The following TANGO6 variants were observed in gnomAD, a reference collection of about 807,000 sequenced individuals.
The protein encoded by TANGO6 is transport and Golgi organization protein 6 homolog.
In TANGO6, 90 loss-of-function variants were observed where a neutral mutation model predicts 114.2. That is an observed-to-expected ratio of 0.79 (90% CI 0.66 to 0.94). TANGO6 has a LOEUF of 0.94. Among genes scored for constraint, TANGO6 ranks in the 40% least tolerant of loss-of-function variants. The probability of loss-of-function intolerance (pLI) is 0.00; values close to 1 mark genes in which losing one functional copy is unlikely to be tolerated. For synonymous variants in TANGO6, 477 were observed against 509.8 expected (o/e 0.94, Z 0.87); for missense variants, 1,274 against 1,315.3 (o/e 0.97, Z 0.49).
chr16:68,973,042 A>G (rs1963723965), intron 14 of TANGO6: 1 of 447,486 alleles, frequency 2.2e-6, no homozygotes, highest in Non-Finnish European at 4.5e-6. Flanking sequence ...GACTGCTCAT[A>G]TTCAGGGAAG....
intron 11 of TANGO6, among the ~76,000 whole-genome samples, chr16:68,915,410 A>C (rs965948922): frequency 1.3e-5 from 2 of 151,944 alleles, no homozygotes; most frequent in African/African-American, 4.8e-5. Context: ...AGGACTACAG[A>C]TGTGTGCCAC....
chr16:68,908,715 T>C (rs911670673), intron 10 of TANGO6, among the ~76,000 whole-genome samples: 1 of 152,176 alleles, frequency 6.6e-6, no homozygotes, highest in Non-Finnish European at 1.5e-5. Flanking sequence ...GGAAAAGAGC[T>C]GTAGTGCTGG....
chr16:68,996,542 GTC>G (rs1439778443), intron 15 of TANGO6, among the ~76,000 whole-genome samples: 1 of 152,140 alleles, frequency 6.6e-6, no homozygotes, highest in Non-Finnish European at 1.5e-5. Context: ...TCTATATTTT[GTC>G]TCCTGTTTCC....
At chr16:69,064,592 T>C (rs769128762) in intron 17 of TANGO6, among the ~76,000 whole-genome samples, 1 of 152,224 alleles carries the variant, frequency 6.6e-6, no homozygotes, top group African/African-American at 2.4e-5. Flanking sequence ...CTCATGCATA[T>C]TGGATTTCCT....
At chr16:68,950,003 A>G (rs1205736076) in intron 14 of TANGO6, among the ~76,000 whole-genome samples, 1 of 152,224 alleles carries the variant, frequency 6.6e-6, no homozygotes, top group Admixed American at 6.5e-5. Flanking sequence ...ACATGAATGA[A>G]TTTGAAAATA....
chr16:68,969,365 A>G (rs182329977), intron 14 of TANGO6, among the ~76,000 whole-genome samples: 311 of 152,282 alleles, frequency 2.0e-3, no homozygotes, highest in Middle Eastern at 6.8e-3. Flanking sequence ...CAAGCACACA[A>G]AATCTCATCC....
intron 17 of TANGO6, among the ~76,000 whole-genome samples, chr16:69,051,714 C>T (rs1959951109): frequency 6.6e-6 from 1 of 151,040 alleles, no homozygotes; most frequent in African/African-American, 2.4e-5. Flanking sequence ...ATTAGCCAGG[C>T]ATGCGCCTGT....
intron 3 of TANGO6, among the ~76,000 whole-genome samples, chr16:68,866,153 T>G (rs901515850): frequency 6.6e-6 from 1 of 152,132 alleles, no homozygotes; most frequent in Non-Finnish European, 1.5e-5. Context: ...TGCTGATGCG[T>G]TTGTCTGTTT....
intron 15 of TANGO6, chr16:69,007,130 G>A (rs1964098387): frequency 2.0e-5 from 3 of 151,946 alleles, no homozygotes; most frequent in African/African-American, 7.3e-5. Flanking sequence ...TTCCAATTTT[G>A]GTATATTTGC....
chr16:69,081,364 CCTT>C (rs1960462513), intron 17 of TANGO6, among the ~76,000 whole-genome samples: 1 of 151,864 alleles, frequency 6.6e-6, no homozygotes, highest in Non-Finnish European at 1.5e-5. Flanking sequence ...CCCTAAATCT[CCTT>C]ACTTTTTTTT....
chr16:68,897,471 C>T (rs1039966158), intron 7 of TANGO6, among the ~76,000 whole-genome samples: 8 of 151,876 alleles, frequency 5.3e-5, no homozygotes, highest in Non-Finnish European at 1.0e-4. Context: ...ATAATATATA[C>T]GTATAAATAG....
intron 5 of TANGO6, among the ~76,000 whole-genome samples, chr16:68,875,505 G>A (rs1041234976): frequency 1.3e-5 from 2 of 152,134 alleles, no homozygotes; most frequent in African/African-American, 2.4e-5. Flanking sequence ...AGTGGCTCAC[G>A]CTTGTAATCT....
chr16:68,893,637 G>T (rs1232012957), intron 7 of TANGO6, among the ~76,000 whole-genome samples: 1 of 150,584 alleles, frequency 6.6e-6, no homozygotes, highest in Non-Finnish European at 1.5e-5. Flanking sequence ...TTGGGAGGCT[G>T]AGTCACGAGA....
chr16:68,946,967 G>T (rs11646084), intron 14 of TANGO6, among the ~76,000 whole-genome samples: 3,327 of 152,242 alleles, frequency 0.022, 53 homozygotes, highest in Non-Finnish European at 0.035. Flanking sequence ...GATGTGATGT[G>T]AGATATCCCC....
At chr16:69,014,930 A>C (rs1959263456) in intron 15 of TANGO6, among the ~76,000 whole-genome samples, 1 of 151,924 alleles carries the variant, frequency 6.6e-6, no homozygotes, top group Non-Finnish European at 1.5e-5. Context: ...AAAGACAAAG[A>C]ACCTCTTATG....
At chr16:68,896,559 C>T (rs1264987950) in intron 7 of TANGO6, among the ~76,000 whole-genome samples, 2 of 152,030 alleles carry the variant, frequency 1.3e-5, no homozygotes, top group Non-Finnish European at 2.9e-5. Context: ...GATCTTCCCA[C>T]CTCAGCCTCA....
intron 12 of TANGO6, among the ~76,000 whole-genome samples, chr16:68,921,083 CACT>C: frequency 7.2e-6 from 1 of 139,266 alleles, no homozygotes; most frequent in Middle Eastern, 4.2e-3. Flanking sequence ...CGCGCCACTG[CACT>C]CCAGCCTGGG....
chr16:69,017,360 A>G (rs926929985), intron 15 of TANGO6, among the ~76,000 whole-genome samples: 12 of 152,174 alleles, frequency 7.9e-5, no homozygotes, highest in Admixed American at 7.9e-4. Context: ...TCATTATTTG[A>G]TAAGTTAATA....
chr16:68,854,638 C>G (rs1275450231), intron 1 of TANGO6, among the ~76,000 whole-genome samples: 18 of 148,692 alleles, frequency 1.2e-4, no homozygotes, highest in Non-Finnish European at 2.7e-4. Flanking sequence ...TTTTTTTTCC[C>G]CATGTGGATA....
Sources: gnomAD v4.1 joint callset for allele counts (sites outside exome capture counted in the v4.1 genomes callset) on GRCh38, gnomAD v4.1.1 for gene constraint, MANE v1.5 for transcripts, NCBI Gene and HGNC (gene_info 2026-07-23, HGNC 2026-07-21) for gene names.